Variants in PACRGL observed in about 807,000 individuals in gnomAD.
PACRGL encodes the protein parkin coregulated like.
Under a neutral mutation model 34.5 loss-of-function variants are expected in PACRGL, and 38 were observed. The observed-to-expected ratio is 1.10, with a 90% CI of 0.85 to 1.44. The LOEUF is 1.44. Ranked by LOEUF, PACRGL falls within the 40% of genes most tolerant of loss-of-function variation. The pLI is 0.00. For missense variants in PACRGL, 305 were observed against 281.4 expected, an observed-to-expected ratio of 1.08 and a Z score of -0.60; for synonymous variants, 128 against 100.1, an observed-to-expected ratio of 1.28 and a Z score of -1.66.
intron 8 of PACRGL, among the ~76,000 whole-genome samples, chr4:20,726,270 C>T (rs751502124): frequency 1.4e-4 from 21 of 151,686 alleles, no homozygotes; most frequent in Non-Finnish European, 2.9e-4. Context: ...ATCCAGGATC[C>T]CAGAAATATC....
In PACRGL at chr4:20,727,340, G is replaced by A; in HGVS notation, c.746G>A (p.Ter249=). ...CCAACATACTGCTCCATATGCTGTT[G>A]AAGAAGGGAGCCAACAAAAATTGTT... ...KIPTYCSICC[*] Residue 249 remains the stop codon, a stop_retained_variant, in exon 9 of 9, where the codon TGA becomes TAA. Transcript: ENST00000503585. 1 of 1,611,294 alleles carries A rather than the reference G, an allele frequency of 6.2e-7. No individual in the cohort carries two copies. The highest frequency in any genetic ancestry group is 8.5e-7 in the Non-Finnish European group (1 of 1,177,756).
intron 8 of PACRGL, among the ~76,000 whole-genome samples, chr4:20,738,205 G>A (rs1750166714): frequency 6.6e-6 from 1 of 152,052 alleles, no homozygotes. Flanking sequence ...CTTATTCAAG[G>A]AAGATTGCTG....
chr4:20,762,343 C>T, the PACRGL span, among the ~76,000 whole-genome samples: 3 of 152,262 alleles, frequency 2.0e-5, no homozygotes, highest in Non-Finnish European at 4.4e-5. Context: ...GTTAGGATTT[C>T]AACATATGAG....
At chr4:20,703,475 T>TGA (rs1328077392) in intron 1 of PACRGL, among the ~76,000 whole-genome samples, 2 of 71,960 alleles carry the variant, frequency 2.8e-5, no homozygotes, top group Non-Finnish European at 6.0e-5. Context: ...CTTGGGTATA[T>TGA]GAGTGTGTGT....
At chr4:20,724,914 CT>C (rs10654905) in intron 8 of PACRGL, 26 bp downstream of exon 8, 747 of 1,219,416 alleles carry the variant, frequency 6.1e-4, no homozygotes, top group South Asian at 1.7e-3. Flanking sequence ...TTCCTTAAGT[CT>C]TTTTTTTTAA....
intron 8 of PACRGL, among the ~76,000 whole-genome samples, chr4:20,740,173 C>T (rs1193886782): frequency 6.6e-6 from 1 of 152,096 alleles, no homozygotes; most frequent in Non-Finnish European, 1.5e-5. Context: ...AGGATATTAT[C>T]CAGGAGAACT....
At chr4:20,699,436 TATTC>T (rs1276364555), upstream of PACRGL, among the ~76,000 whole-genome samples, 2 of 152,206 alleles carry the variant, frequency 1.3e-5, no homozygotes, top group Non-Finnish European at 2.9e-5. Context: ...TAATTCATTT[TATTC>T]ATTCAGAAGA....
chr4:20,734,983 G>T (rs185114694), downstream of PACRGL, among the ~76,000 whole-genome samples: 1 of 152,168 alleles, frequency 6.6e-6, no homozygotes, highest in African/African-American at 2.4e-5. Context: ...GTACCAGTGC[G>T]TACCCACACA....
At chr4:20,764,739 C>T in the PACRGL span, among the ~76,000 whole-genome samples, 1 of 151,004 alleles carries the variant, frequency 6.6e-6, no homozygotes, top group African/African-American at 2.4e-5. Flanking sequence ...TAATTTGCTT[C>T]CCTCATGAAT....
At chr4:20,707,779 T>C (rs1735208305) in intron 3 of PACRGL, 24 bp from the exon 4 acceptor site, 1 of 1,600,532 alleles carries the variant, frequency 6.2e-7, no homozygotes, top group African/African-American at 1.3e-5. Context: ...TAGGTGATAG[T>C]AATATTTTCA....
chr4:20,756,530 G>A (rs1379228009), downstream of PACRGL, among the ~76,000 whole-genome samples: 1 of 152,054 alleles, frequency 6.6e-6, no homozygotes, highest in Non-Finnish European at 1.5e-5. Flanking sequence ...ACTATGATCA[G>A]TTTCCTCATC....
At chr4:20,726,089 A>G (rs566925769) in intron 8 of PACRGL, among the ~76,000 whole-genome samples, 1 of 152,184 alleles carries the variant, frequency 6.6e-6, no homozygotes, top group East Asian at 1.9e-4. Context: ...GATTTTCCAT[A>G]TCCTGTGGGC....
chr4:20,763,861 T>A, the PACRGL span, among the ~76,000 whole-genome samples: 3 of 152,162 alleles, frequency 2.0e-5, no homozygotes, highest in Non-Finnish European at 4.4e-5. Context: ...CCCACTGATG[T>A]TGTAACATGA....
chr4:20,718,082 A>C (rs1020559560), intron 7 of PACRGL, among the ~76,000 whole-genome samples: 3 of 152,108 alleles, frequency 2.0e-5, no homozygotes, highest in Non-Finnish European at 4.4e-5. Flanking sequence ...TAGGTATTTT[A>C]TTCTCTTTGA....
At chr4:20,740,106 T>A (rs1364363708) in intron 8 of PACRGL, among the ~76,000 whole-genome samples, 6 of 152,124 alleles carry the variant, frequency 3.9e-5, no homozygotes, top group African/African-American at 1.4e-4. Flanking sequence ...AATCTACGTC[T>A]GATTGGTGTA....
At chr4:20,711,604 G>T (rs7666288) in intron 5 of PACRGL, among the ~76,000 whole-genome samples, 49,285 of 151,848 alleles carry the variant, frequency 0.32, 8,448 homozygotes, top group African/African-American at 0.43. Context: ...TTGAAAATTG[G>T]TTTTTCTAAG....
At chr4:20,704,951 T>G (rs1160516596) in intron 3 of PACRGL, 137 bp downstream of exon 3, 17 of 977,494 alleles carry the variant, frequency 1.7e-5, no homozygotes, top group Non-Finnish European at 2.3e-5. Flanking sequence ...ATGTGGTTAT[T>G]ATGATGAAGA....
intron 3 of PACRGL, among the ~76,000 whole-genome samples, chr4:20,705,029 G>C (rs1423398128): frequency 6.6e-6 from 1 of 152,086 alleles, no homozygotes; most frequent in Non-Finnish European, 1.5e-5. Flanking sequence ...AACCTGTTTG[G>C]GATATCGCAT....
At chr4:20,714,510 ATAT>A (rs777138104) in intron 7 of PACRGL, among the ~76,000 whole-genome samples, 1 of 152,070 alleles carries the variant, frequency 6.6e-6, no homozygotes, top group African/African-American at 2.4e-5. Context: ...TTTAAAGTTA[ATAT>A]TATGATGTGT....
Sources: gnomAD v4.1 joint callset for allele counts (sites outside exome capture counted in the v4.1 genomes callset) on GRCh38, gnomAD v4.1.1 for gene constraint, MANE v1.5 for transcripts, NCBI Gene and HGNC (gene_info 2026-07-23, HGNC 2026-07-21) for gene names.